Variants in P4HA1 observed in about 807,000 individuals in gnomAD.
P4HA1 encodes the protein prolyl 4-hydroxylase subunit alpha-1.
Under a neutral mutation model 72.8 loss-of-function variants are expected in P4HA1, and 24 were observed. That is an observed-to-expected ratio of 0.33 (90% CI 0.24 to 0.46). The LOEUF (loss-of-function observed/expected upper bound fraction) is 0.46. Ranked by LOEUF, P4HA1 falls within the 20% of genes least tolerant of loss-of-function variation. The pLI, the probability that P4HA1 is intolerant of heterozygous loss-of-function variation, is 1.00. For synonymous variants in P4HA1, 201 were observed against 218.8 expected (o/e 0.92, Z 0.72); for missense variants, 446 against 640.6 (o/e 0.70, Z 3.28).
intron 14 of P4HA1, 87 bp downstream of exon 14, chr10:73,009,720 G>A (rs1839871126): frequency 7.1e-6 from 5 of 707,610 alleles, no homozygotes; most frequent in Middle Eastern, 2.4e-4. Context: ...AGCAAACATG[G>A]GGGCTTTTGT....
chr10:73,016,650 G>A (rs1840013034), intron 11 of P4HA1, among the ~76,000 whole-genome samples, 196 bp downstream of exon 11: 1 of 152,198 alleles, frequency 6.6e-6, no homozygotes, highest in African/African-American at 2.4e-5. Context: ...GGTGGCGCAT[G>A]CCTGTGATCC....
At chr10:73,050,334 C>T (rs1272472252) in intron 7 of P4HA1, among the ~76,000 whole-genome samples, 1 of 151,966 alleles carries the variant, frequency 6.6e-6, no homozygotes, top group Non-Finnish European at 1.5e-5. Flanking sequence ...TATTTTAAAG[C>T]TATTTTACTA....
intron 10 of P4HA1, among the ~76,000 whole-genome samples, chr10:73,028,293 C>T (rs1400804550): frequency 6.8e-6 from 1 of 147,086 alleles, no homozygotes; most frequent in Non-Finnish European, 1.5e-5. Flanking sequence ...TGGCATCAAA[C>T]CGTGTCACTG....
chr10:73,023,608 C>G (rs1422058320), intron 10 of P4HA1, among the ~76,000 whole-genome samples: 3 of 152,030 alleles, frequency 2.0e-5, no homozygotes, highest in Non-Finnish European at 4.4e-5. Context: ...AAATAACCAG[C>G]GAACATCATA....
chr10:73,036,789 A>G (rs1840585805), intron 9 of P4HA1, among the ~76,000 whole-genome samples: 1 of 152,192 alleles, frequency 6.6e-6, no homozygotes, highest in Non-Finnish European at 1.5e-5. Context: ...ATCTGTCTTC[A>G]GTGACATTAT....
chr10:73,048,281 T>C (rs1324442552), intron 7 of P4HA1, among the ~76,000 whole-genome samples: 1 of 152,196 alleles, frequency 6.6e-6, no homozygotes, highest in Non-Finnish European at 1.5e-5. Context: ...TTGTTTTTGT[T>C]TAGACAAAGT....
chr10:73,065,007 T>C (rs1417747807), intron 5 of P4HA1: 4 of 152,170 alleles, frequency 2.6e-5, no homozygotes, highest in Non-Finnish European at 5.9e-5. Context: ...ATGCACACAC[T>C]TAGAAGTTAA....
intron 5 of P4HA1, among the ~76,000 whole-genome samples, chr10:73,063,174 C>A (rs987083526): frequency 6.6e-6 from 1 of 151,922 alleles, no homozygotes; most frequent in African/African-American, 2.4e-5. Context: ...TATAAAAAAA[C>A]AAATTTATTT....
intron 10 of P4HA1, among the ~76,000 whole-genome samples, chr10:73,017,237 A>G (rs1017835800): frequency 2.7e-5 from 4 of 149,738 alleles, no homozygotes; most frequent in African/African-American, 1.0e-4. Context: ...GTATATATAG[A>G]TATCTATATC....
At chr10:73,086,087 C>T (rs1453123842) in intron 1 of P4HA1, among the ~76,000 whole-genome samples, 3 of 152,136 alleles carry the variant, frequency 2.0e-5, no homozygotes, top group African/African-American at 4.8e-5. Flanking sequence ...CTGGTAAAAA[C>T]GTAAAATGAG....
chr10:73,083,906 C>T (rs141840902), intron 1 of P4HA1, among the ~76,000 whole-genome samples: 1 of 152,140 alleles, frequency 6.6e-6, no homozygotes, highest in Non-Finnish European at 1.5e-5. Flanking sequence ...TTTTCTCTTC[C>T]CTCAACATCT....
rs150503346 is a variant in P4HA1 at position 73,058,048 on chromosome 10, C to T, written c.464-4458G>A. Among the ~76,000 whole-genome samples, 654 of 137,628 alleles carry T rather than the reference C, an allele frequency of 4.8e-3. 7 individuals are homozygous for T. The highest frequency in any genetic ancestry group is 0.017 in the African/African-American group (612 of 35,510). 90.3% of individuals were successfully genotyped at this position (137,628 alleles called of 152,430 possible). A position where few individuals can be genotyped will look rare whatever the true frequency, so the allele number is the denominator to read the frequency against. On this transcript the variant is annotated intron_variant, in intron 5 of 14. Coordinates refer to ENST00000394890, the MANE Select transcript of P4HA1 (RefSeq NM_001017962.3). ...GAGGTTGCAGTGGGCCAAGATTGCA[C>T]CACTGCACTCCAGTCTGGGTGACAG...
rs1192806061 is a variant in P4HA1, at chr10:73,007,383, A to G, written c.*839T>C. On this transcript the variant is annotated 3_prime_UTR_variant, in exon 15 of 15. Transcript: ENST00000394890. Reference sequence around the variant, plus strand: ...ACATTTTTAAACTTCCAGTCTCCTAAGGCACAGTATTTAATCAGAATGCCA... The same window carrying G: ...ACATTTTTAAACTTCCAGTCTCCTAGGGCACAGTATTTAATCAGAATGCCA... 6.6e-6 allele frequency: 1 copy of G among 152,642 alleles called. No individual in the cohort carries two copies. Among genetic ancestry groups the G allele is most frequent in the Non-Finnish European group, 1.5e-5 (1 of 68,044 alleles). 9.5% of individuals were successfully genotyped at this position (152,642 alleles called of 1,614,324 possible).
At chr10:73,019,280 C>A (rs1457856639) in intron 10 of P4HA1, among the ~76,000 whole-genome samples, 1 of 152,122 alleles carries the variant, frequency 6.6e-6, no homozygotes, top group Admixed American at 6.5e-5. Context: ...ACACCCTTCC[C>A]AAACAGCCCA....
chr10:73,014,284 A>G lies in P4HA1; in HGVS notation c.1308T>C (p.Asp436=). 1 of 1,611,442 alleles carries G rather than the reference A, an allele frequency of 6.2e-7. No individual in the cohort carries two copies. Among genetic ancestry groups the G allele is most frequent in the Non-Finnish European group, 8.5e-7 (1 of 1,177,650 alleles). Residue 436 remains aspartate (D), a synonymous_variant, in exon 12 of 15, where the codon GAT becomes GAC. Transcript: ENST00000394890. ...YEPHFDFARK[D]EPDAFKELGT... ...CCAGCTCTTTGAAAGCATCTGGCTC[A>G]TCTTTCTGTGAATAAAAACACAGTA...
Position 73,017,118 on chromosome 10 carries a change from T to G in P4HA1, c.1249-219A>C, listed in dbSNP as rs921944406. Reference sequence around the variant, plus strand: ...GTACAGATCTATATCTACAGATGTATATATAGATATCTATATCTACAGATG... The same window carrying G: ...GTACAGATCTATATCTACAGATGTAGATATAGATATCTATATCTACAGATG... On this transcript the variant is annotated intron_variant, in intron 10 of 14. Transcript: ENST00000394890. 6.6e-5 allele frequency among the ~76,000 whole-genome samples: 10 copies of G among 150,810 alleles called. No individual in the cohort carries two copies. In the East Asian group the frequency reaches 7.8e-4, roughly 12 times the overall value.
chr10:73,081,650 T>C (rs1421329233), intron 1 of P4HA1, among the ~76,000 whole-genome samples: 1 of 152,176 alleles, frequency 6.6e-6, no homozygotes, highest in African/African-American at 2.4e-5. Context: ...TTCTACCATA[T>C]AGTAAATACA....
At chr10:73,075,473 TCTC>T (rs551374127) in intron 1 of P4HA1, among the ~76,000 whole-genome samples, 2 of 152,176 alleles carry the variant, frequency 1.3e-5, no homozygotes, top group Non-Finnish European at 2.9e-5. Flanking sequence ...CTGAGTTTGT[TCTC>T]CTTAGTCACT....
Position 73,009,507 on chromosome 10 carries a change from TATA to T in P4HA1, c.1534+297_1534+299del, listed in dbSNP as rs542105335. ...ATTTTTGTATTAATATGTACTACAT[TATA>T]ATCCATTAGTATGTCTCAATCAGAT... On this transcript the variant is annotated intron_variant, in intron 14 of 14. Transcript: ENST00000394890. 464 of 240,188 alleles carry T rather than the reference TATA, an allele frequency of 1.9e-3. 3 individuals are homozygous for T. The highest frequency in any genetic ancestry group is 3.8e-3 in the Admixed American group (81 of 21,162). The allele number at this position is 240,188 out of a possible 1,614,324, so 14.9% of individuals were successfully genotyped here.
Sources: gnomAD v4.1 joint callset for allele counts (sites outside exome capture counted in the v4.1 genomes callset) on GRCh38, gnomAD v4.1.1 for gene constraint, MANE v1.5 for transcripts, NCBI Gene and HGNC (gene_info 2026-07-23, HGNC 2026-07-21) for gene names.